The following SNX14 variants were observed in gnomAD, a reference collection of about 807,000 sequenced individuals.
SNX14 encodes the protein sorting nexin 14.
SNX14 carries 93 observed loss-of-function variants against 133.8 expected under a neutral mutation model. That is an observed-to-expected ratio of 0.70 (90% CI 0.59 to 0.83). SNX14 has a LOEUF of 0.83. SNX14 is among the 40% of genes least tolerant of loss of function. The probability of loss-of-function intolerance (pLI) is 0.00; values close to 1 mark genes in which losing one functional copy is unlikely to be tolerated. For missense variants in SNX14, 945 were observed against 1,094.9 expected, an observed-to-expected ratio of 0.86 and a Z score of 1.93; for synonymous variants, 368 against 365.6, an observed-to-expected ratio of 1.01 and a Z score of -0.07.
rs559493867 is a variant in SNX14, at chr6:85,591,191, TAAC to T, written c.140+2385_140+2387del. ...TCAGAAGGGCCCATGTTTTCTTGTA[TAAC>T]AACATTTCAGAGATACTCTTATCAT... On this transcript the variant is annotated intron_variant, in intron 1 of 28. Coordinates refer to ENST00000314673, the MANE Select transcript of SNX14 (RefSeq NM_153816.6). Among the ~76,000 whole-genome samples, 232 of 152,076 alleles carry T rather than the reference TAAC, an allele frequency of 1.5e-3. 1 individual carries two copies. The highest frequency in any genetic ancestry group is 3.4e-3 in the Middle Eastern group (1 of 294).
chr6:85,567,473 A>G, intron 5 of SNX14, 61 bp downstream of exon 5: 1 of 1,181,872 alleles, frequency 8.5e-7, no homozygotes, highest in Non-Finnish European at 1.2e-6. Context: ...TGTCATTAGC[A>G]TGCTTAACTT....
chr6:85,586,013 A>T (rs571805326), intron 1 of SNX14, among the ~76,000 whole-genome samples: 1 of 152,004 alleles, frequency 6.6e-6, no homozygotes, highest in Non-Finnish European at 1.5e-5. Context: ...AAAAAACTAA[A>T]TCTAATTGAG....
At position 85,535,604 on chromosome 6, in the gene SNX14, C is replaced by CAA. The variant is rs10707377; in HGVS notation, c.1608+1186_1608+1187dup. On this transcript the variant is annotated intron_variant, in intron 17 of 28. Transcript: ENST00000314673. ...TGGGTGACAGAGCAAGACTCCGTCT[C>CAA]AAAAAAAAAAAAAAAAAAAAAATTA... Among the ~76,000 whole-genome samples, 468 of 84,094 alleles carry CAA rather than the reference C, an allele frequency of 5.6e-3. 6 individuals carry two copies. Among genetic ancestry groups the CAA allele is most frequent in the African/African-American group, 0.016 (363 of 22,690 alleles). The allele number at this position is 84,094 out of a possible 152,430, so 55.2% of individuals were successfully genotyped here.
chr6:85,572,364 A>G lies in SNX14; in HGVS notation c.272T>C (p.Leu91Pro). The stretch of plus-strand genomic sequence containing the variant: ...ATGACCTTGAGGAAATAATTCCTGA[A>G]GTCCTAACTGCTAAAAAAGGAAAAT... ...TIKYKPKQLG[L>P]QELFPQGHSC... Residue 91 changes from leucine to proline, a missense_variant, in exon 3 of 29, where the codon CTT becomes CCT. Physicochemically the swap from Leu to Pro is moderately conservative, Grantham distance 98 (BLOSUM62 -3). Coordinates refer to ENST00000314673, the MANE Select transcript of SNX14 (RefSeq NM_153816.6). 6.2e-7 allele frequency: 1 copy of G among 1,612,336 alleles called. No homozygotes were observed.
At chr6:85,570,237 A>G (rs1037546063) in intron 4 of SNX14, among the ~76,000 whole-genome samples, 1 of 152,180 alleles carries the variant, frequency 6.6e-6, no homozygotes, top group Admixed American at 6.5e-5. Flanking sequence ...AGATATCAAA[A>G]TATGTTTTTA....
At chr6:85,586,545 G>C (rs1376879742) in intron 1 of SNX14, among the ~76,000 whole-genome samples, 2 of 151,902 alleles carry the variant, frequency 1.3e-5, no homozygotes, top group Non-Finnish European at 2.9e-5. Flanking sequence ...TGTTAATTTT[G>C]TAATATTATA....
In SNX14 at chr6:85,593,781, T is replaced by C. The variant is rs879133414; in HGVS notation, c.-63A>G. ...AGGCAGAGGTCAAGGCGACCCCCCA[T>C]CCACACCTCGCGTCCCCGCCCCACC... On this transcript the variant is annotated 5_prime_UTR_variant, in exon 1 of 29. The change abolishes an upstream ATG in the 5' untranslated region. Transcript: ENST00000314673. The C allele has an allele frequency of 6.2e-7, 1 of 1,600,004 alleles. No homozygotes were observed. Among genetic ancestry groups the C allele is most frequent in the African/African-American group, 1.3e-5 (1 of 74,272 alleles).
intron 28 of SNX14, among the ~76,000 whole-genome samples, chr6:85,506,935 G>A (rs2127741693): frequency 6.6e-6 from 1 of 152,152 alleles, no homozygotes; most frequent in East Asian, 1.9e-4. Context: ...ACTGAGCTTG[G>A]CCTATTCTAG....
chr6:85,521,422 G>A (rs776259171), intron 21 of SNX14, among the ~76,000 whole-genome samples: 8 of 150,944 alleles, frequency 5.3e-5, no homozygotes, highest in African/African-American at 1.2e-4. Flanking sequence ...TTTTTTTTTC[G>A]TAGAGACAGA....
intron 12 of SNX14, 147 bp downstream of exon 12, chr6:85,546,965 C>CAAAAAAAAA (rs375373506): frequency 1.1e-5 from 4 of 349,300 alleles, no homozygotes; most frequent in Admixed American, 6.3e-5. Context: ...CCGCCTCAAA[C>CAAAAAAAAA]AAAAAAAAAA....
At chr6:85,541,955 G>A in intron 15 of SNX14, 30 bp downstream of exon 15, 1 of 1,550,508 alleles carries the variant, frequency 6.4e-7, no homozygotes. Context: ...ACTGGCATCA[G>A]CAAGTTCAAA....
chr6:85,552,375 T>C (rs1446453874), intron 7 of SNX14, among the ~76,000 whole-genome samples: 1 of 152,166 alleles, frequency 6.6e-6, no homozygotes, highest in Non-Finnish European at 1.5e-5. Flanking sequence ...TGAAATAGAA[T>C]GCAAGCATAT....
chr6:85,552,032 CTTTTTTTTT>C (rs71551482), intron 7 of SNX14, among the ~76,000 whole-genome samples: 7 of 114,142 alleles, frequency 6.1e-5, no homozygotes, highest in African/African-American at 2.1e-4. Context: ...TGTTGGGAAT[CTTTTTTTTT>C]TTTTTTTTTT....
At chr6:85,563,358 C>A (rs1028059761) in intron 6 of SNX14, among the ~76,000 whole-genome samples, 5 of 152,060 alleles carry the variant, frequency 3.3e-5, no homozygotes, top group African/African-American at 1.2e-4. Context: ...GGCAATGATA[C>A]AAATATGCAC....
intron 5 of SNX14, 60 bp from the exon 6 acceptor site, chr6:85,565,479 C>A (rs1793518781): frequency 7.8e-7 from 1 of 1,285,364 alleles, no homozygotes; most frequent in Non-Finnish European, 1.1e-6. Context: ...TCACCTTCTA[C>A]AATCCAAGGG....
intron 6 of SNX14, among the ~76,000 whole-genome samples, chr6:85,560,313 T>C (rs544683063): frequency 1.7e-4 from 26 of 152,190 alleles, no homozygotes; most frequent in Non-Finnish European, 3.2e-4. Context: ...GAATGAAATA[T>C]TGATACATGC....
chr6:85,537,232 GC>G (rs1562264696), intron 16 of SNX14, among the ~76,000 whole-genome samples: 1 of 151,994 alleles, frequency 6.6e-6, no homozygotes, highest in Non-Finnish European at 1.5e-5. Context: ...AAAGATGAGA[GC>G]CCCCTAGTGG....
intron 4 of SNX14, among the ~76,000 whole-genome samples, chr6:85,571,913 C>T (rs767272010): frequency 2.0e-5 from 3 of 152,084 alleles, no homozygotes; most frequent in African/African-American, 4.8e-5. Context: ...TCGGGTAAAC[C>T]AGTGCTTTCC....
intron 27 of SNX14, among the ~76,000 whole-genome samples, 187 bp downstream of exon 27, chr6:85,507,781 C>T (rs1771244570): frequency 6.6e-6 from 1 of 152,032 alleles, no homozygotes; most frequent in Non-Finnish European, 1.5e-5. Flanking sequence ...AATAATTCAT[C>T]TTATTTAGAA....
Sources: allele counts gnomAD v4.1 joint callset (sites outside exome capture counted in the v4.1 genomes callset), GRCh38; gene constraint gnomAD v4.1.1; transcripts MANE v1.5; gene names NCBI Gene and HGNC (gene_info 2026-07-23, HGNC 2026-07-21).